Variants in ARSK observed in about 807,000 individuals in gnomAD.
ARSK encodes the protein arylsulfatase K.
ARSK carries 37 observed loss-of-function variants against 53.2 expected under a neutral mutation model. The observed-to-expected ratio is 0.70, with a 90% CI of 0.54 to 0.92. The LOEUF (loss-of-function observed/expected upper bound fraction) is 0.92, where lower values mean the gene tolerates loss of function less well. ARSK is among the 40% of genes least tolerant of loss of function. The pLI is 0.00. For synonymous variants in ARSK, 208 were observed against 223.2 expected (o/e 0.93, Z 0.61); for missense variants, 613 against 643.0 (o/e 0.95, Z 0.51).
At chr5:95,557,786 G>A (rs958020873) in intron 1 of ARSK, among the ~76,000 whole-genome samples, 5 of 152,180 alleles carry the variant, frequency 3.3e-5, no homozygotes, top group African/African-American at 9.6e-5. Context: ...GGATAACAAC[G>A]CAAGAGCTTT....
intron 3 of ARSK, among the ~76,000 whole-genome samples, chr5:95,570,605 T>G (rs1748810624): frequency 6.6e-6 from 1 of 152,228 alleles, no homozygotes; most frequent in Non-Finnish European, 1.5e-5. Flanking sequence ...AGAATTATGA[T>G]GCCTACCTCA....
chr5:95,596,730 A>T (rs754423481), intron 6 of ARSK, among the ~76,000 whole-genome samples: 21 of 152,154 alleles, frequency 1.4e-4, no homozygotes, highest in Non-Finnish European at 2.4e-4. Flanking sequence ...AAGAAAAACC[A>T]ACTGGAATTC....
At chr5:95,582,138 A>G (rs1749030460) in intron 3 of ARSK, among the ~76,000 whole-genome samples, 1 of 152,110 alleles carries the variant, frequency 6.6e-6, no homozygotes, top group Admixed American at 6.6e-5. Flanking sequence ...CACTTCAGAG[A>G]TACCTATTTC....
intron 5 of ARSK, 54 bp from the exon 6 acceptor site, chr5:95,591,347 A>T: frequency 7.0e-7 from 1 of 1,434,578 alleles, no homozygotes; most frequent in Non-Finnish European, 9.8e-7. Flanking sequence ...TTAATGTGAT[A>T]GAATAAAACA....
chr5:95,591,665 G>A, intron 6 of ARSK, 40 bp downstream of exon 6: 1 of 1,591,336 alleles, frequency 6.3e-7, no homozygotes, highest in Non-Finnish European at 8.6e-7. Flanking sequence ...TTGTAATAAT[G>A]CTGGAGAATG....
chr5:95,587,988 T>G (rs560279826), intron 5 of ARSK, among the ~76,000 whole-genome samples: 34 of 152,316 alleles, frequency 2.2e-4, no homozygotes, highest in African/African-American at 8.2e-4. Context: ...GTAATTTTCT[T>G]TAATCATGAG....
chr5:95,564,797 A>G (rs929233025), intron 1 of ARSK, among the ~76,000 whole-genome samples: 4 of 152,012 alleles, frequency 2.6e-5, no homozygotes, highest in African/African-American at 7.3e-5. Flanking sequence ...TCAGTTTCCC[A>G]TGCTGTTTCC....
chr5:95,555,456 A>ACCG lies in ARSK; in HGVS notation c.126+61_126+63dup. On this transcript the variant is annotated intron_variant, in intron 1 of 7. Transcript: ENST00000380009. The surrounding 1 kb of genome is among the most constrained non-coding windows in gnomAD (Gnocchi z 4.0). ...CGCCCCGCTGGGGATCGGCGACCTC[A>ACCG]CCGCCGCCGCCTGTGCTGCAGGCTT... 1 of 1,543,438 alleles carries ACCG rather than the reference A, an allele frequency of 6.5e-7. No individual in the cohort carries two copies. Among genetic ancestry groups the ACCG allele is most frequent in the Non-Finnish European group, 8.8e-7 (1 of 1,142,392 alleles).
chr5:95,564,531 T>C lies in ARSK; in HGVS notation c.127-1467T>C, dbSNP rs573284865. On this transcript the variant is annotated intron_variant, in intron 1 of 7. Coordinates refer to ENST00000380009, the MANE Select transcript of ARSK (RefSeq NM_198150.3). ...ACTTCTCAGAAGAGCTTTTCTTTTT[T>C]CCCCCTGCTGCCTCACTTTCCTGCC... is the stretch of plus-strand genomic sequence containing the variant. Among the ~76,000 whole-genome samples, 5 of 152,302 alleles carry C rather than the reference T, an allele frequency of 3.3e-5. No individual in the cohort carries two copies. In the East Asian group the frequency reaches 7.7e-4, roughly 23 times the overall value.
intron 3 of ARSK, chr5:95,581,039 A>T (rs1749013385): frequency 3.2e-6 from 2 of 620,954 alleles, no homozygotes. Context: ...ACCAGCAATT[A>T]TGGGAATCAT....
At chr5:95,562,582 G>A (rs1157073393) in intron 1 of ARSK, among the ~76,000 whole-genome samples, 3 of 152,286 alleles carry the variant, frequency 2.0e-5, no homozygotes, top group Non-Finnish European at 2.9e-5. Flanking sequence ...ATAAGGAACC[G>A]AGTACAAGCC....
chr5:95,601,864 T>C (rs945605646), intron 7 of ARSK, among the ~76,000 whole-genome samples: 1 of 152,194 alleles, frequency 6.6e-6, no homozygotes, highest in African/African-American at 2.4e-5. Context: ...CTTTACATTT[T>C]CATCCTGATG....
At chr5:95,588,301 G>A (rs1218751430) in intron 5 of ARSK, among the ~76,000 whole-genome samples, 1 of 150,970 alleles carries the variant, frequency 6.6e-6, no homozygotes, top group Non-Finnish European at 1.5e-5. Context: ...CAGTGGCGGG[G>A]TCTCTGCTTA....
rs551980803 is a variant in ARSK at position 95,582,144 on chromosome 5, A to C, written c.417-772A>C. The stretch of plus-strand genomic sequence containing the variant: ...TTGATAGATCACTTCAGAGATACCT[A>C]TTTCAACAGAAACTTAAAAAGCAAG... On this transcript the variant is annotated intron_variant, in intron 3 of 7. Coordinates refer to ENST00000380009, the MANE Select transcript of ARSK (RefSeq NM_198150.3). Among the ~76,000 whole-genome samples, 25 of 152,198 alleles carry C rather than the reference A, an allele frequency of 1.6e-4. 1 individual carries two copies. The South Asian group carries it at 5.0e-3, about 30-fold the overall frequency.
intron 3 of ARSK, among the ~76,000 whole-genome samples, chr5:95,579,777 T>C (rs1278759745): frequency 6.6e-6 from 1 of 152,188 alleles, no homozygotes; most frequent in African/African-American, 2.4e-5. Flanking sequence ...TTGGGCCACT[T>C]AAGAGGGGCA....
At chr5:95,582,822 A>G (rs746718448) in intron 3 of ARSK, 94 bp from the exon 4 acceptor site, 71 of 1,237,932 alleles carry the variant, frequency 5.7e-5, no homozygotes, top group Non-Finnish European at 7.8e-5. Flanking sequence ...GAGTCTAAAA[A>G]TTGTTTTCCA....
At chr5:95,562,139 A>AT (rs1748646276) in intron 1 of ARSK, among the ~76,000 whole-genome samples, 1 of 152,220 alleles carries the variant, frequency 6.6e-6, no homozygotes, top group African/African-American at 2.4e-5. Context: ...TAAACCTAGA[A>AT]TACAGAGGTT....
intron 6 of ARSK, among the ~76,000 whole-genome samples, chr5:95,599,294 A>G (rs1749359545): frequency 6.6e-6 from 1 of 152,236 alleles, no homozygotes; most frequent in Admixed American, 6.5e-5. Context: ...AAAATAAGGC[A>G]TTTCTAAGTA....
At chr5:95,587,473 T>C (rs188673278) in intron 5 of ARSK, among the ~76,000 whole-genome samples, 49 of 152,324 alleles carry the variant, frequency 3.2e-4, no homozygotes, top group African/African-American at 1.2e-3. Context: ...GCACCTCTTC[T>C]GTACAGAGTA....
Sources: allele counts gnomAD v4.1 joint callset (sites outside exome capture counted in the v4.1 genomes callset), GRCh38; gene constraint gnomAD v4.1.1; non-coding constraint Gnocchi (gnomAD v3.1); transcripts MANE v1.5; gene names NCBI Gene and HGNC (gene_info 2026-07-23, HGNC 2026-07-21).